Variants in MYL6 observed in about 807,000 individuals in gnomAD.
MYL6 encodes myosin light chain 6.
In MYL6, 20 loss-of-function variants were observed where a neutral mutation model predicts 20.3. The observed-to-expected ratio is 0.98, with a 90% confidence interval of 0.69 to 1.43. The LOEUF (loss-of-function observed/expected upper bound fraction) is 1.43, where lower values mean the gene tolerates loss of function less well. Among genes scored for constraint, MYL6 ranks in the 40% most tolerant of loss-of-function variants. The pLI is 0.00. For synonymous variants in MYL6, 77 were observed against 72.4 expected (o/e 1.06, Z -0.32); for missense variants, 164 against 191.0 (o/e 0.86, Z 0.83).
In MYL6 at chr12:56,161,487, A is replaced by G; in HGVS notation, c.*117A>G. 6.4e-7 allele frequency: 1 copy of G among 1,563,358 alleles called. No individual in the cohort carries two copies. Among genetic ancestry groups the G allele is most frequent in the Non-Finnish European group, 8.8e-7 (1 of 1,134,652 alleles). On this transcript the variant is annotated 3_prime_UTR_variant, in exon 7 of 7. Coordinates refer to ENST00000550697, the MANE Select transcript of MYL6 (RefSeq NM_021019.5). The stretch of plus-strand genomic sequence containing the variant: ...TTTGTATCTAGCCTAAAGTTTCCCT[A>G]GGCTTTCTTGTCTCAGCAACTTTCC...
rs1224899487 is a variant in MYL6, at chr12:56,161,419, C to T, written c.*49C>T. The T allele has an allele frequency of 6.2e-7, 1 of 1,614,178 alleles. No individual in the cohort carries two copies. The highest frequency in any genetic ancestry group is 8.5e-7 in the Non-Finnish European group (1 of 1,180,012). ...CCGCATGGTGCTGAATGGCTGAGGACCTTCCCAGTCTCCCCAGAGTCCGTG... is the reference window on the plus strand; with the variant it reads ...CCGCATGGTGCTGAATGGCTGAGGATCTTCCCAGTCTCCCCAGAGTCCGTG... On this transcript the variant is annotated 3_prime_UTR_variant, in exon 7 of 7. Transcript: ENST00000550697.
At chr12:56,158,593 T>G (rs1467917006) in intron 1 of MYL6, 91 bp from the exon 2 acceptor site, 1 of 1,594,034 alleles carries the variant, frequency 6.3e-7, no homozygotes, top group Non-Finnish European at 8.5e-7. Flanking sequence ...AGTTTGTGGG[T>G]CAGAGTTTGT....
chr12:56,158,970 C>G (rs1279442334), intron 2 of MYL6: 1 of 1,389,230 alleles, frequency 7.2e-7, no homozygotes, highest in African/African-American at 1.5e-5. Context: ...CACTTAATGC[C>G]TGCTGTGTGT....
intron 1 of MYL6, 31 bp from the exon 2 acceptor site, chr12:56,158,653 G>T (rs1871488767): frequency 6.2e-7 from 1 of 1,614,098 alleles, no homozygotes; most frequent in East Asian, 2.2e-5. Context: ...TTGGCGTTCA[G>T]ATGCTGACCA....
intron 5 of MYL6, 54 bp downstream of exon 5, chr12:56,160,374 G>A (rs1315790894): frequency 6.2e-7 from 1 of 1,607,032 alleles, no homozygotes; most frequent in Non-Finnish European, 8.5e-7. Context: ...GGCAGGTCAA[G>A]TATAGTGTCT....
chr12:56,160,592 T>C (rs1308562400), intron 5 of MYL6, 34 bp from the exon 6 acceptor site: 2 of 1,613,718 alleles, frequency 1.2e-6, no homozygotes, highest in African/African-American at 1.3e-5. Flanking sequence ...GTCTTTGTCT[T>C]GTCTTCACCA....
intron 6 of MYL6, 169 bp from the exon 7 acceptor site, chr12:56,161,218 A>G (rs903575022): frequency 1.4e-6 from 1 of 728,200 alleles, no homozygotes. Flanking sequence ...AGCTAGGGGC[A>G]TGGAGAACTG....
chr12:56,159,741 TA>T lies in MYL6; in HGVS notation c.175+14del. On this transcript the variant is annotated intron_variant, in intron 3 of 6. Transcript: ENST00000550697. ...ACCCCAAGAGTGATGGTGAGGGGCCTAAAGAACAACTCCTCAGTGTGGTCAT... is the reference window on the plus strand; with the variant it reads ...ACCCCAAGAGTGATGGTGAGGGGCCTAAGAACAACTCCTCAGTGTGGTCAT... 1 of 1,612,476 alleles carries T rather than the reference TA, an allele frequency of 6.2e-7. No individual in the cohort carries two copies. Among genetic ancestry groups the T allele is most frequent in the East Asian group, 2.2e-5 (1 of 44,848 alleles).
At chr12:56,158,490 G>C (rs753974517) in intron 1 of MYL6, 86 bp downstream of exon 1, 1 of 1,580,726 alleles carries the variant, frequency 6.3e-7, no homozygotes, top group Non-Finnish European at 8.6e-7. Flanking sequence ...GGCAGGGGTA[G>C]GAGGCAAAGG....
chr12:56,159,767 T>C, intron 3 of MYL6, 37 bp downstream of exon 3: 5 of 1,600,200 alleles, frequency 3.1e-6, no homozygotes, highest in Non-Finnish European at 4.3e-6. Flanking sequence ...AGTGTGGTCA[T>C]GGGCCCACAG....
chr12:56,158,542 CTG>C (rs747684111), intron 1 of MYL6, 138 bp downstream of exon 1: 12 of 1,612,110 alleles, frequency 7.4e-6, no homozygotes, highest in East Asian at 2.2e-5. Context: ...GTTGGAAAGA[CTG>C]GGGCCCTGCG....
chr12:56,159,141 G>C (rs1238888707), intron 2 of MYL6: 1 of 318,746 alleles, frequency 3.1e-6, no homozygotes, highest in African/African-American at 2.2e-5. Flanking sequence ...ATGGGGACAA[G>C]ACAGGGGAGT....
rs763061246 is a variant in MYL6 at position 56,159,544 on chromosome 12, A to G, written c.32-43A>G. On this transcript the variant is annotated intron_variant, in intron 2 of 6. Transcript: ENST00000550697. ...AGCAGAGCTCTGAGGTAGGGTTTGG[A>G]TTAACCCTCAAATCCTGTGTTGACA... is the stretch of plus-strand genomic sequence containing the variant. The G allele has an allele frequency of 8.7e-6, 14 of 1,602,958 alleles. No individual in the cohort carries two copies. In the African/African-American group the frequency reaches 1.7e-4, roughly 20 times the overall value.
intron 4 of MYL6, 21 bp from the exon 5 acceptor site, chr12:56,160,222 A>C: frequency 6.2e-7 from 1 of 1,614,082 alleles, no homozygotes; most frequent in Non-Finnish European, 8.5e-7. Flanking sequence ...AATTCCAAAA[A>C]TGCTTTCTTT....
In MYL6 at chr12:56,159,563, G is replaced by A. The variant is rs1871581409; in HGVS notation, c.32-24G>A. The A allele has an allele frequency of 5.0e-6, 8 of 1,610,636 alleles. No individual in the cohort carries two copies. The Admixed American group carries it at 1.3e-4, about 27-fold the overall frequency. The stretch of plus-strand genomic sequence containing the variant: ...GTTTGGATTAACCCTCAAATCCTGT[G>A]TTGACATTCATCTGAATCCTCAGAG... On this transcript the variant is annotated intron_variant, in intron 2 of 6. Coordinates refer to ENST00000550697, the MANE Select transcript of MYL6 (RefSeq NM_021019.5).
At chr12:56,159,205 G>C (rs969767208) in intron 2 of MYL6, 2 of 279,610 alleles carry the variant, frequency 7.2e-6, no homozygotes, top group South Asian at 5.0e-5. Flanking sequence ...TTATACTGGA[G>C]GGGTGCGAAG....
chr12:56,158,630 G>A (rs1232864394), intron 1 of MYL6, 54 bp from the exon 2 acceptor site: 7 of 1,614,096 alleles, frequency 4.3e-6, no homozygotes, highest in Non-Finnish European at 5.9e-6. Flanking sequence ...GGCTGGGATA[G>A]AAACTCGGGG....
chr12:56,158,533 T>A (rs772579810), intron 1 of MYL6, 129 bp downstream of exon 1: 6 of 1,609,260 alleles, frequency 3.7e-6, no homozygotes, highest in Non-Finnish European at 5.1e-6. Flanking sequence ...GGAGGTGGGG[T>A]TGGAAAGACT....
chr12:56,159,152 T>C (rs1871536964), intron 2 of MYL6: 4 of 301,336 alleles, frequency 1.3e-5, no homozygotes, highest in Middle Eastern at 1.0e-3. Context: ...ACAGGGGAGT[T>C]TGCTAAGGAT....
Sources: gnomAD v4.1 joint callset for allele counts on GRCh38, gnomAD v4.1.1 for gene constraint, MANE v1.5 for transcripts, NCBI Gene and HGNC (gene_info 2026-07-23, HGNC 2026-07-21) for gene names.